Variants in SCAPER observed in about 807,000 individuals in gnomAD.
The protein encoded by SCAPER is S phase cyclin A-associated protein in the endoplasmic reticulum.
In SCAPER, 98 loss-of-function variants were observed where a neutral mutation model predicts 182.2. The observed-to-expected ratio is 0.54, with a 90% CI of 0.46 to 0.64. The LOEUF is 0.64. Ranked by LOEUF, SCAPER falls within the 30% of genes least tolerant of loss-of-function variation. The pLI, the probability that SCAPER is intolerant of heterozygous loss-of-function variation, is 0.00. For synonymous variants in SCAPER, 605 were observed against 564.6 expected (o/e 1.07, Z -1.01); for missense variants, 1,432 against 1,690.0 (o/e 0.85, Z 2.68).
intron 23 of SCAPER, among the ~76,000 whole-genome samples, chr15:76,526,856 G>GC (rs2043235518): frequency 6.8e-6 from 1 of 146,314 alleles, no homozygotes; most frequent in Non-Finnish European, 1.5e-5. Flanking sequence ...TTTTCAAATA[G>GC]TTTTTTTTTT....
intron 15 of SCAPER, among the ~76,000 whole-genome samples, chr15:76,747,786 G>A (rs2061874039): frequency 6.6e-6 from 1 of 152,024 alleles, no homozygotes; most frequent in East Asian, 1.9e-4. Flanking sequence ...AGTGAAGTCA[G>A]CCTGAGGCCC....
intron 17 of SCAPER, among the ~76,000 whole-genome samples, chr15:76,716,233 C>G (rs193118545): frequency 6.6e-6 from 1 of 152,154 alleles, no homozygotes; most frequent in Non-Finnish European, 1.5e-5. Flanking sequence ...TGCATGATAA[C>G]TACACCATTG....
chr15:76,540,439 AG>A (rs2144733267), intron 23 of SCAPER, among the ~76,000 whole-genome samples: 1 of 152,264 alleles, frequency 6.6e-6, no homozygotes, highest in South Asian at 2.1e-4. Flanking sequence ...TAATCAAAAA[AG>A]GATTAGGTAG....
chr15:76,367,821 C>G (rs534535183), intron 29 of SCAPER, among the ~76,000 whole-genome samples: 1 of 152,072 alleles, frequency 6.6e-6, no homozygotes, highest in Non-Finnish European at 1.5e-5. Flanking sequence ...CAAATTTCTC[C>G]GTTCTTATGT....
intron 23 of SCAPER, among the ~76,000 whole-genome samples, chr15:76,569,843 C>T (rs758233830): frequency 3.3e-5 from 5 of 151,836 alleles, no homozygotes; most frequent in Non-Finnish European, 5.9e-5. Flanking sequence ...CTAAAATGTT[C>T]AGTTTTCAAA....
In SCAPER at chr15:76,800,255, T is replaced by A; in HGVS notation, c.604A>T (p.Asn202Tyr). 6.2e-7 allele frequency: 1 copy of A among 1,604,882 alleles called. No homozygotes were observed. Among genetic ancestry groups the A allele is most frequent in the East Asian group, 2.2e-5 (1 of 44,822 alleles). The stretch of plus-strand genomic sequence containing the variant: ...TTTCTTAGTTCATCTCACCCAAAAT[T>A]TAAGCTTCGTCGAGCATTTGATGTT... ...NVTSNARRSLNFGGSTGTVPA... is the reference protein window; with the variant it reads ...NVTSNARRSLYFGGSTGTVPA... Residue 202 changes from asparagine to tyrosine, a missense_variant, in exon 7 of 32, where the codon AAT becomes TAT. Coordinates refer to ENST00000563290, the MANE Select transcript of SCAPER (RefSeq NM_020843.4).
At chr15:76,620,888 T>C (rs2051977270) in intron 22 of SCAPER, among the ~76,000 whole-genome samples, 1 of 152,060 alleles carries the variant, frequency 6.6e-6, no homozygotes, top group African/African-American at 2.4e-5. Context: ...TCAAGACAAA[T>C]AGCTAATGCA....
intron 25 of SCAPER, among the ~76,000 whole-genome samples, chr15:76,460,085 T>A (rs551454018): frequency 6.6e-6 from 1 of 152,056 alleles, no homozygotes; most frequent in Non-Finnish European, 1.5e-5. Flanking sequence ...TTGTAATATA[T>A]GATTTTTTTT....
intron 5 of SCAPER, among the ~76,000 whole-genome samples, chr15:76,835,642 G>A (rs3110378): frequency 0.15 from 23,201 of 151,918 alleles, 1,981 homozygotes; most frequent in African/African-American, 0.24. Flanking sequence ...AACAAGACAA[G>A]GATTCCCACC....
At chr15:76,526,934 C>T (rs908446168) in intron 23 of SCAPER, among the ~76,000 whole-genome samples, 4 of 151,804 alleles carry the variant, frequency 2.6e-5, no homozygotes, top group South Asian at 2.1e-4. Flanking sequence ...TGCAGTCGCG[C>T]GATCTTGGCT....
At chr15:76,759,010 T>C (rs1311158191) in intron 14 of SCAPER, among the ~76,000 whole-genome samples, 2 of 152,198 alleles carry the variant, frequency 1.3e-5, no homozygotes, top group African/African-American at 4.8e-5. Context: ...TCTATATTTA[T>C]GATGTTATCT....
At chr15:76,409,915 G>A (rs1206895529) in intron 26 of SCAPER, among the ~76,000 whole-genome samples, 1 of 151,678 alleles carries the variant, frequency 6.6e-6, no homozygotes, top group Non-Finnish European at 1.5e-5. Flanking sequence ...AGCCTCCTGA[G>A]TAGCTGAGAC....
chr15:76,677,416 A>G (rs958747064), intron 20 of SCAPER, among the ~76,000 whole-genome samples: 17 of 152,148 alleles, frequency 1.1e-4, no homozygotes, highest in Admixed American at 4.6e-4. Context: ...AAAGTCTGCA[A>G]CTCATGACTG....
intron 14 of SCAPER, among the ~76,000 whole-genome samples, chr15:76,755,652 T>C (rs1248756835): frequency 1.3e-5 from 2 of 152,168 alleles, no homozygotes; most frequent in Non-Finnish European, 2.9e-5. Context: ...TCTCCTCCCA[T>C]ATTGTATCAG....
Position 76,857,834 on chromosome 15 carries a change from T to C in SCAPER, c.170A>G (p.Gln57Arg), listed in dbSNP as rs2071534726. Residue 57 changes from glutamine to arginine, a missense_variant, in exon 4 of 32, where the codon CAA (glutamine) becomes CGA (arginine). Around this residue, in one of 5 missense-constraint regions of SCAPER, gnomAD observed 480 missense variants for 510.2 expected, o/e 0.94. Coordinates refer to ENST00000563290, the MANE Select transcript of SCAPER (RefSeq NM_020843.4). ...CTGTTTAGTAGTTTTATGAGTGCCTTGAATGGTCCTCTTAGATTTTCCACC... is the reference window on the plus strand; with the variant it reads ...CTGTTTAGTAGTTTTATGAGTGCCTCGAATGGTCCTCTTAGATTTTCCACC... ...QTGGKSKRTI[Q>R]GTHKTTKQST... 6 of 1,546,908 alleles carry C rather than the reference T, an allele frequency of 3.9e-6. No homozygotes were observed. The highest frequency in any genetic ancestry group is 5.2e-6 in the Non-Finnish European group (6 of 1,144,864).
intron 22 of SCAPER, among the ~76,000 whole-genome samples, chr15:76,620,373 A>G (rs1393807242): frequency 3.3e-5 from 5 of 152,152 alleles, no homozygotes; most frequent in Non-Finnish European, 7.4e-5. Context: ...CCACCATCCT[A>G]CTGAATTGAT....
chr15:76,753,852 G>A lies in SCAPER; in HGVS notation c.1822C>T (p.Gln608Ter). The A allele has an allele frequency of 6.2e-7, 1 of 1,612,868 alleles. No homozygotes were observed. The highest frequency in any genetic ancestry group is 8.5e-7 in the Non-Finnish European group (1 of 1,179,232). ...GCTTTTTTCACAATTGCTTGTAACT[G>A]CACTTCTCGCTTAAACTCAGCATGA... ...LLHAEFKREV[Q>*]LQAIVKKAQE... is the part of the protein sequence containing the mutation. Residue 608 changes from glutamine (Q) to a stop codon, truncating the protein, a stop_gained, in exon 15 of 32, where the codon CAG (glutamine) becomes TAG (stop). Coordinates refer to ENST00000563290, the MANE Select transcript of SCAPER (RefSeq NM_020843.4). LOFTEE classifies it high-confidence loss of function.
At chr15:76,585,489 A>G (rs974793617) in intron 22 of SCAPER, among the ~76,000 whole-genome samples, 9 of 152,258 alleles carry the variant, frequency 5.9e-5, no homozygotes, top group African/African-American at 2.2e-4. Context: ...CTTTTGGCTA[A>G]TGTCTGCATA....
At chr15:76,828,447 G>A (rs2068186925) in intron 5 of SCAPER, among the ~76,000 whole-genome samples, 1 of 151,920 alleles carries the variant, frequency 6.6e-6, no homozygotes, top group African/African-American at 2.4e-5. Flanking sequence ...CTAGATATAA[G>A]GAACAAAGAT....
Sources: gnomAD v4.1 joint callset for allele counts (sites outside exome capture counted in the v4.1 genomes callset) on GRCh38, gnomAD v4.1.1 for gene constraint, gnomAD v4.1.1 regional missense constraint, MANE v1.5 for transcripts, NCBI Gene and HGNC (gene_info 2026-07-23, HGNC 2026-07-21) for gene names.